The following MIA3 variants were observed in gnomAD, a reference collection of about 807,000 sequenced individuals.
The protein encoded by MIA3 is MIA SH3 domain ER export factor 3, also known as transport and Golgi organization protein 1 homolog.
Under a neutral mutation model 192.4 loss-of-function variants are expected in MIA3, and 90 were observed. That is an observed-to-expected ratio of 0.47 (90% CI 0.39 to 0.56). MIA3 has a LOEUF of 0.56. MIA3 is among the 20% of genes least tolerant of loss of function. MIA3 has a pLI of 0.00. For synonymous variants in MIA3, 740 were observed against 792.8 expected, an observed-to-expected ratio of 0.93 and a Z score of 1.12; for missense variants, 2,123 against 2,269.4, an observed-to-expected ratio of 0.94 and a Z score of 1.31.
chr1:222,660,047 G>T (rs770254830), intron 23 of MIA3, 41 bp downstream of exon 23: 1 of 1,588,926 alleles, frequency 6.3e-7, no homozygotes, highest in South Asian at 1.1e-5. Flanking sequence ...TCTGTTTTTT[G>T]ATGTAAAATG....
intron 2 of MIA3, among the ~76,000 whole-genome samples, chr1:222,621,982 AT>A (rs1283039225): frequency 6.6e-6 from 1 of 151,620 alleles, no homozygotes; most frequent in African/African-American, 2.4e-5. Context: ...AATTTTTTGT[AT>A]TTTTTTAGTA....
chr1:222,632,937 C>T (rs1240543411), intron 5 of MIA3, among the ~76,000 whole-genome samples, 167 bp from the exon 6 acceptor site: 1 of 152,080 alleles, frequency 6.6e-6, no homozygotes, highest in East Asian at 1.9e-4. Flanking sequence ...CAGGATAGAC[C>T]GACACAAAGA....
In MIA3 at chr1:222,654,724, G is replaced by A. The variant is rs1446997578; in HGVS notation, c.4538G>A (p.Cys1513Tyr). 1.9e-6 allele frequency: 3 copies of A among 1,614,058 alleles called. No homozygotes were observed. The highest frequency in any genetic ancestry group is 2.5e-6 in the Non-Finnish European group (3 of 1,180,012). ...QAAKAGLEDE[C>Y]KTLRQKVEIL... ...GCCAAAGCTGGACTGGAAGATGAAT[G>A]CAAAACCTTGAGGCAGAAAGTGGAG... Residue 1513 changes from cysteine (C) to tyrosine (Y), a missense_variant, in exon 18 of 28, where the codon TGC (cysteine) becomes TAC (tyrosine). Physicochemically the swap from Cys to Tyr is radical, Grantham distance 194 (BLOSUM62 -2). Transcript: ENST00000344922.
Position 222,666,667 on chromosome 1 carries a change from C to CG in MIA3, c.*1048_*1049insG, listed in dbSNP as rs1361765207. The CG allele has an allele frequency of 9.5e-6, 1 of 105,256 alleles. No individual in the cohort carries two copies. Among genetic ancestry groups the CG allele is most frequent in the African/African-American group, 4.0e-5 (1 of 25,272 alleles). 6.5% of individuals were successfully genotyped at this position (105,256 alleles called of 1,614,324 possible). A position where few individuals can be genotyped will look rare whatever the true frequency, so the allele number is the denominator to read the frequency against. On this transcript the variant is annotated 3_prime_UTR_variant, in exon 28 of 28. Coordinates refer to ENST00000344922, the MANE Select transcript of MIA3 (RefSeq NM_198551.4). ...TTATAACATGCCCTAGGTCAGCAAC[C>CG]AAGGGTTGAAATCAGTTCTGTTTTA...
At position 222,629,898 on chromosome 1, in the gene MIA3, G is replaced by T; in HGVS notation, c.2678G>T (p.Gly893Val). 2 of 1,613,940 alleles carry T rather than the reference G, an allele frequency of 1.2e-6. No homozygotes were observed. Among genetic ancestry groups the T allele is most frequent in the Non-Finnish European group, 1.7e-6 (2 of 1,179,970 alleles). Reference protein sequence around the residue: ...TEKYMGTESQGSAAAEPEDDS... With the variant: ...TEKYMGTESQVSAAAEPEDDS... ...AAGTACATGGGCACAGAAAGCCAGG[G>T]GTCTGCTGCTGCAGAACCTGAAGAT... The change falls in exon 4 of 28, where the codon GGG becomes GTG. Residue 893 changes from glycine to valine, a missense_variant. This residue lies in a region of MIA3 where 1,357 missense variants were observed against 1,396.1 expected (regional missense o/e 0.97). Coordinates refer to ENST00000344922, the MANE Select transcript of MIA3 (RefSeq NM_198551.4).
chr1:222,652,789 G>C (rs2124909138), intron 13 of MIA3, among the ~76,000 whole-genome samples: 1 of 152,290 alleles, frequency 6.6e-6, no homozygotes, highest in Non-Finnish European at 1.5e-5. Flanking sequence ...TTTTCTGAAG[G>C]ATGCAATAAA....
At position 222,629,909 on chromosome 1, in the gene MIA3, G is replaced by A. The variant is rs747063144; in HGVS notation, c.2689G>A (p.Ala897Thr). 2 of 1,614,128 alleles carry A rather than the reference G, an allele frequency of 1.2e-6. No individual in the cohort carries two copies. Among genetic ancestry groups the A allele is most frequent in the South Asian group, 1.1e-5 (1 of 91,076 alleles). The change falls in exon 4 of 28, where the codon GCA becomes ACA. Residue 897 changes from alanine (A) to threonine (T), a missense_variant. Transcript: ENST00000344922. The stretch of plus-strand genomic sequence containing the variant: ...CACAGAAAGCCAGGGGTCTGCTGCT[G>A]CAGAACCTGAAGATGACTCGTTCCA... ...MGTESQGSAA[A>T]EPEDDSFHWT...
chr1:222,654,398 G>A lies in MIA3; in HGVS notation c.4387G>A (p.Ala1463Thr). Residue 1463 changes from alanine (A) to threonine (T), a missense_variant, in exon 17 of 28, where the codon GCA becomes ACA. Transcript: ENST00000344922. ...QMMDVSRTQT[A>T]ISVVEEDLKL... is the part of the protein sequence containing the mutation. ...CTTCTGCAATTTTTAGACACAGACTGCAATATCGGTAGTTGAAGAGGATCT... is the reference window on the plus strand; with the variant it reads ...CTTCTGCAATTTTTAGACACAGACTACAATATCGGTAGTTGAAGAGGATCT... 1 of 1,613,618 alleles carries A rather than the reference G, an allele frequency of 6.2e-7. No homozygotes were observed. The highest frequency in any genetic ancestry group is 8.5e-7 in the Non-Finnish European group (1 of 1,179,756).
intron 6 of MIA3, 135 bp from the exon 7 acceptor site, chr1:222,645,419 G>A (rs1457294991): frequency 5.9e-6 from 4 of 683,390 alleles, no homozygotes. Context: ...AGCAGTGAGA[G>A]CTACTGAAGA....
chr1:222,659,206 G>C (rs1663883628), intron 19 of MIA3: 1 of 502,188 alleles, frequency 2.0e-6, no homozygotes, highest in Admixed American at 3.8e-5. Flanking sequence ...GATTATTTGA[G>C]AACATATTTA....
rs1188639844 is a variant in MIA3 at position 222,628,832 on chromosome 1, G to A, written c.1612G>A (p.Gly538Arg). The A allele has an allele frequency of 3.1e-6, 5 of 1,614,108 alleles. No homozygotes were observed. The African/African-American group carries it at 4.0e-5, about 13-fold the overall frequency. ...AGGAGCAGCTATTCATATCTCAAAAGGAATGCTCCACGAAGAAAAGCCTGG... is the reference window on the plus strand; with the variant it reads ...AGGAGCAGCTATTCATATCTCAAAAAGAATGCTCCACGAAGAAAAGCCTGG... ...LKGAAIHISKGMLHEEKPGEQ... is the reference protein window; with the variant it reads ...LKGAAIHISKRMLHEEKPGEQ... Residue 538 changes from glycine to arginine, a missense_variant, in exon 4 of 28, where the codon GGA (glycine) becomes AGA (arginine). Transcript: ENST00000344922.
chr1:222,628,922 A>G lies in MIA3; in HGVS notation c.1702A>G (p.Asn568Asp), dbSNP rs749918167. The G allele has an allele frequency of 6.2e-7, 1 of 1,614,192 alleles. No individual in the cohort carries two copies. Among genetic ancestry groups the G allele is most frequent in the Non-Finnish European group, 8.5e-7 (1 of 1,180,024 alleles). ...ACAGAAAGCTGCAGGGAATCAAATG[A>G]ATGACAGAAAGATTCAACAGGAATC... ...SAQKAAGNQM[N>D]DRKIQQESLG... The change falls in exon 4 of 28, where the codon AAT becomes GAT. Residue 568 changes from asparagine to aspartate, a missense_variant. Asn to Asp is a conservative substitution (Grantham distance 23, BLOSUM62 1). This residue lies in a region of MIA3 where 1,357 missense variants were observed against 1,396.1 expected (regional missense o/e 0.97). Coordinates refer to ENST00000344922, the MANE Select transcript of MIA3 (RefSeq NM_198551.4).
At chr1:222,646,576 AC>A (rs1663157447) in intron 7 of MIA3, among the ~76,000 whole-genome samples, 1 of 151,448 alleles carries the variant, frequency 6.6e-6, no homozygotes, top group African/African-American at 2.4e-5. Context: ...ACAAGACAAA[AC>A]CCCATCTCTA....
At chr1:222,645,318 G>T (rs1183636655) in intron 6 of MIA3, among the ~76,000 whole-genome samples, 1 of 152,132 alleles carries the variant, frequency 6.6e-6, no homozygotes, top group Non-Finnish European at 1.5e-5. Flanking sequence ...AGAAATATAT[G>T]CCCAACCTAA....
intron 4 of MIA3, among the ~76,000 whole-genome samples, chr1:222,631,433 C>T (rs1403781626): frequency 6.6e-6 from 1 of 152,156 alleles, no homozygotes; most frequent in East Asian, 1.9e-4. Context: ...CCAGGCTTTT[C>T]AGACAGATGT....
chr1:222,646,409 ATCTC>A (rs1663145751), intron 7 of MIA3, among the ~76,000 whole-genome samples: 1 of 145,720 alleles, frequency 6.9e-6, no homozygotes. Context: ...GTGAGACTCC[ATCTC>A]AAAAAAAAAA....
chr1:222,651,794 T>G (rs1310204149), intron 11 of MIA3, among the ~76,000 whole-genome samples, 183 bp from the exon 12 acceptor site: 2 of 152,188 alleles, frequency 1.3e-5, no homozygotes, highest in African/African-American at 4.8e-5. Context: ...CCTTTGATTA[T>G]TTTCCCTTAC....
rs759180704 is a variant in MIA3, at chr1:222,621,310, A to G, written c.267+18A>G. 1 of 1,597,014 alleles carries G rather than the reference A, an allele frequency of 6.3e-7. No individual in the cohort carries two copies. Among genetic ancestry groups the G allele is most frequent in the South Asian group, 1.1e-5 (1 of 87,884 alleles). The stretch of plus-strand genomic sequence containing the variant: ...CTGGAAGTGTAAGTAAAATATCGAC[A>G]TACTTTATTTGCTTAATTTTTATTG... On this transcript the variant is annotated intron_variant, in intron 2 of 27. Coordinates refer to ENST00000344922, the MANE Select transcript of MIA3 (RefSeq NM_198551.4).
chr1:222,644,771 CTCTT>C (rs1351764728), intron 6 of MIA3, among the ~76,000 whole-genome samples: 1 of 147,622 alleles, frequency 6.8e-6, no homozygotes, highest in Non-Finnish European at 1.5e-5. Flanking sequence ...GGTTTCGTCA[CTCTT>C]TTTTTTTTTT....
Sources: allele counts gnomAD v4.1 joint callset (sites outside exome capture counted in the v4.1 genomes callset), GRCh38; gene constraint gnomAD v4.1.1; regional missense constraint gnomAD v4.1.1; transcripts MANE v1.5; gene names NCBI Gene and HGNC (gene_info 2026-07-23, HGNC 2026-07-21).